NFIC: variants seen among roughly 807,000 people sequenced by gnomAD.
The protein encoded by NFIC is nuclear factor I C, also known as nuclear factor 1 C-type.
In NFIC, 12 loss-of-function variants were observed where a neutral mutation model predicts 54.4. The ratio of observed to expected loss-of-function variants is 0.22; its 90% confidence interval spans 0.14 to 0.36. NFIC has a LOEUF of 0.36. Ranked by LOEUF, NFIC falls within the 10% of genes least tolerant of loss-of-function variation. The pLI is 1.00. For synonymous variants in NFIC, 322 were observed against 319.2 expected, an observed-to-expected ratio of 1.01 and a Z score of -0.09; for missense variants, 575 against 718.2, an observed-to-expected ratio of 0.80 and a Z score of 2.28.
intron 1 of NFIC, among the ~76,000 whole-genome samples, chr19:3,367,751 AG>A (rs923798005): frequency 2.0e-5 from 3 of 152,120 alleles, no homozygotes; most frequent in African/African-American, 7.2e-5. Context: ...GGTTCTGGAG[AG>A]GGGACAGTAT....
At position 3,463,034 on chromosome 19, in the gene NFIC, G is replaced by C. The variant is rs2082664192; in HGVS notation, c.*265G>C. The C allele has an allele frequency of 6.0e-6, 8 of 1,343,116 alleles. No individual in the cohort carries two copies. The highest frequency in any genetic ancestry group is 1.8e-5 in the South Asian group (1 of 54,472). The allele number at this position is 1,343,116 out of a possible 1,614,324, so 83.2% of individuals were successfully genotyped here. On this transcript the variant is annotated 3_prime_UTR_variant, in exon 11 of 11. Transcript: ENST00000443272. ...TAAAGACGCAACGTTTCCAACTCTC[G>C]GGACGCCAAGGCCGCAGGACTGGAG...
intron 5 of NFIC, 50 bp downstream of exon 5, chr19:3,434,450 ACCCATCC>A: frequency 1.9e-6 from 3 of 1,538,858 alleles, no homozygotes; most frequent in Non-Finnish European, 2.6e-6. Context: ...CCATTCATCA[ACCCATCC>A]CCTCTGGCCC....
rs1020211015 is a variant in NFIC, at chr19:3,464,197, C to A, written c.*1428C>A. ...CCTACCCCGACGCGGGGCCCAGCTG[C>A]GGGACGTGCATCACGGCTGGGCCCC... On this transcript the variant is annotated 3_prime_UTR_variant, in exon 11 of 11. Transcript: ENST00000443272. The A allele has an allele frequency of 1.7e-5, 17 of 985,266 alleles. No individual in the cohort carries two copies. In the South Asian group the frequency reaches 7.5e-4, roughly 44 times the overall value. The allele number at this position is 985,266 out of a possible 1,614,324, so 61.0% of individuals were successfully genotyped here.
chr19:3,399,832 C>T (rs1181173276), intron 2 of NFIC, among the ~76,000 whole-genome samples: 1 of 152,140 alleles, frequency 6.6e-6, no homozygotes, highest in Non-Finnish European at 1.5e-5. Context: ...GATCGTGCCA[C>T]TGCACTCTAG....
Position 3,375,832 on chromosome 19 carries a change from C to A in NFIC, c.31-5880C>A, listed in dbSNP as rs1212124229. Among the ~76,000 whole-genome samples, 6 of 152,318 alleles carry A rather than the reference C, an allele frequency of 3.9e-5. No individual in the cohort carries two copies. The highest frequency in any genetic ancestry group is 1.4e-4 in the African/African-American group (6 of 41,580). On this transcript the variant is annotated intron_variant, in intron 1 of 10. Coordinates refer to ENST00000443272, the MANE Select transcript of NFIC (RefSeq NM_001245002.2). This position sits in a 1 kb window ranked among gnomAD's most constrained non-coding sequence, Gnocchi z 4.6. Reference sequence around the variant, plus strand: ...GTGATCTGGCAGCAGCTGCTCTGCCCATCCCGGCCTGGAAATGGGACCGAG... The same window carrying A: ...GTGATCTGGCAGCAGCTGCTCTGCCAATCCCGGCCTGGAAATGGGACCGAG...
intron 2 of NFIC, among the ~76,000 whole-genome samples, chr19:3,414,916 T>C (rs2081828321): frequency 6.6e-6 from 1 of 152,118 alleles, no homozygotes; most frequent in Non-Finnish European, 1.5e-5. Context: ...CTCGGCTCAC[T>C]GTAACCTCTG....
At chr19:3,440,888 G>C (rs2082284121) in intron 6 of NFIC, among the ~76,000 whole-genome samples, 1 of 152,188 alleles carries the variant, frequency 6.6e-6, no homozygotes, top group African/African-American at 2.4e-5. Flanking sequence ...ATGGAGTGCA[G>C]TGGTGCGATC....
At chr19:3,364,160 A>G (rs1267449620), upstream of NFIC, among the ~76,000 whole-genome samples, 1 of 94,816 alleles carries the variant, frequency 1.1e-5, no homozygotes, top group Non-Finnish European at 2.4e-5. Context: ...GAGTGCTTTG[A>G]AAAAAAAAAA....
At chr19:3,385,182 A>G (rs1254824177) in intron 2 of NFIC, among the ~76,000 whole-genome samples, 6 of 124,642 alleles carry the variant, frequency 4.8e-5, no homozygotes, top group East Asian at 2.5e-4. Flanking sequence ...CCCTCCCCCA[A>G]TTGGCCCCAG....
chr19:3,399,628 T>C (rs779991348), intron 2 of NFIC, among the ~76,000 whole-genome samples: 1 of 151,062 alleles, frequency 6.6e-6, no homozygotes, highest in Non-Finnish European at 1.5e-5. Context: ...TCCCAGCACT[T>C]TGGGAAGCCG....
intron 2 of NFIC, among the ~76,000 whole-genome samples, chr19:3,412,050 C>T (rs1003142762): frequency 2.1e-4 from 32 of 152,260 alleles, no homozygotes; most frequent in African/African-American, 7.2e-4. Context: ...TAATCGACAT[C>T]GTATACAATT....
At chr19:3,404,791 C>T (rs2081617599) in intron 2 of NFIC, among the ~76,000 whole-genome samples, 1 of 152,216 alleles carries the variant, frequency 6.6e-6, no homozygotes, top group Non-Finnish European at 1.5e-5. Context: ...GGGGCGAGTC[C>T]CTACGCGCAG....
At chr19:3,435,002 C>G in intron 5 of NFIC, 81 bp from the exon 6 acceptor site, 1 of 1,465,614 alleles carries the variant, frequency 6.8e-7, no homozygotes, top group African/African-American at 1.4e-5. Flanking sequence ...ACTTAAGGAC[C>G]GGAAGTAGCA....
rs1464892507 is a variant in NFIC at position 3,375,113 on chromosome 19, G to C, written c.31-6599G>C. 6.6e-6 allele frequency among the ~76,000 whole-genome samples: 1 copy of C among 150,734 alleles called. No individual in the cohort carries two copies. Among genetic ancestry groups the C allele is most frequent in the Admixed American group, 6.6e-5 (1 of 15,186 alleles). ...AGGAATTAAGAGGAGAGGGGAAGTG[G>C]GGAGGGGGAATTCAGAGAGAGAGGG... On this transcript the variant is annotated intron_variant, in intron 1 of 10. Coordinates refer to ENST00000443272, the MANE Select transcript of NFIC (RefSeq NM_001245002.2). This position sits in a 1 kb window ranked among gnomAD's most constrained non-coding sequence, Gnocchi z 4.6.
chr19:3,390,120 G>T (rs116220188), intron 2 of NFIC, among the ~76,000 whole-genome samples: 1 of 152,232 alleles, frequency 6.6e-6, no homozygotes, highest in South Asian at 2.1e-4. Flanking sequence ...TGAGCCAGTG[G>T]GGGCACCGTG....
intron 6 of NFIC, among the ~76,000 whole-genome samples, chr19:3,447,486 TAGC>T (rs1056670912): frequency 7.9e-5 from 12 of 152,038 alleles, no homozygotes; most frequent in African/African-American, 2.7e-4. Flanking sequence ...TCACCCCAAA[TAGC>T]AGCAGCAGCG....
At chr19:3,377,926 C>A (rs2081136458) in intron 1 of NFIC, among the ~76,000 whole-genome samples, 1 of 151,904 alleles carries the variant, frequency 6.6e-6, no homozygotes, top group Non-Finnish European at 1.5e-5. Context: ...TTATGCCCAG[C>A]TAATTTTTGT....
Position 3,375,855 on chromosome 19 carries a change from G to A in NFIC, c.31-5857G>A, listed in dbSNP as rs576177623. ...CCCATCCCGGCCTGGAAATGGGACC[G>A]AGTCCAGCCACATCCGCTGGCACAC... On this transcript the variant is annotated intron_variant, in intron 1 of 10. Transcript: ENST00000443272. This position sits in a 1 kb window ranked among gnomAD's most constrained non-coding sequence, Gnocchi z 4.6. Among the ~76,000 whole-genome samples, 8 of 152,278 alleles carry A rather than the reference G, an allele frequency of 5.3e-5. No homozygotes were observed. The highest frequency in any genetic ancestry group is 7.2e-5 in the African/African-American group (3 of 41,560).
chr19:3,423,733 G>A (rs1049606848), intron 2 of NFIC, among the ~76,000 whole-genome samples: 11 of 152,302 alleles, frequency 7.2e-5, no homozygotes, highest in Admixed American at 7.2e-4. Flanking sequence ...GGCGGGCGCC[G>A]GGGCAGAGGG....
Sources: allele counts gnomAD v4.1 joint callset (sites outside exome capture counted in the v4.1 genomes callset), GRCh38; gene constraint gnomAD v4.1.1; non-coding constraint Gnocchi (gnomAD v3.1); transcripts MANE v1.5; gene names NCBI Gene and HGNC (gene_info 2026-07-23, HGNC 2026-07-21).